Variants in PCTP observed in about 807,000 individuals in gnomAD.
PCTP encodes START domain-containing protein 2.
In PCTP, 27 loss-of-function variants were observed where a neutral mutation model predicts 31.0. That is an observed-to-expected ratio of 0.87 (90% CI 0.64 to 1.20). The LOEUF (loss-of-function observed/expected upper bound fraction) is 1.20. Ranked by LOEUF, PCTP falls within the 50% of genes most tolerant of loss-of-function variation. The pLI, the probability that PCTP is intolerant of heterozygous loss-of-function variation, is 0.00. For missense variants in PCTP, 287 were observed against 268.2 expected (o/e 1.07, Z -0.49); for synonymous variants, 108 against 101.2 (o/e 1.07, Z -0.40).
rs535279167 is a variant in PCTP, at chr17:55,773,743, G to A, written c.359G>A (p.Arg120Gln). 4.3e-5 allele frequency: 69 copies of A among 1,613,334 alleles called. No individual in the cohort carries two copies. In the East Asian group the frequency reaches 1.2e-3, roughly 29 times the overall value. The stretch of plus-strand genomic sequence containing the variant: ...ATGCAGTATGTCTACCTTCGGCAGC[G>A]GCGAGACCTGGACATGGAAGGGAGG... ...SNRDYVYLRQRRDLDMEGRKI... is the reference protein window; with the variant it reads ...SNRDYVYLRQQRDLDMEGRKI... Residue 120 changes from arginine (R) to glutamine (Q), a missense_variant, in exon 4 of 6, where the codon CGG becomes CAG. Physicochemically the swap from Arg to Gln is conservative, Grantham distance 43. Transcript: ENST00000268896.
chr17:55,797,454 A>G (rs554739913), intron 3 of PCTP, among the ~76,000 whole-genome samples: 74 of 152,120 alleles, frequency 4.9e-4, no homozygotes, highest in Admixed American at 1.6e-3. Flanking sequence ...AGAACCTGCC[A>G]AAGATAAATG....
At chr17:55,761,381 A>T (rs1432895145) in intron 1 of PCTP, among the ~76,000 whole-genome samples, 1 of 151,796 alleles carries the variant, frequency 6.6e-6, no homozygotes, top group East Asian at 1.9e-4. Context: ...ATCAAGGGAA[A>T]CAGAATCCAG....
intron 5 of PCTP, among the ~76,000 whole-genome samples, chr17:55,839,952 T>TAAAAAAAAAAAA (rs1905919099): frequency 1.7e-5 from 2 of 117,150 alleles, no homozygotes; most frequent in African/African-American, 3.3e-5. Context: ...AAAAAACAAC[T>TAAAAAAAAAAAA]GAAGCACGTT....
Position 55,755,139 on chromosome 17 carries a change from G to C in PCTP, c.141+3895G>C, listed in dbSNP as rs1414943547. ...CATCTATGGAAATGGATCTGAGATA[G>C]AGTTGCTCCCCTGAAGATTCTAGTG... is the stretch of plus-strand genomic sequence containing the variant. On this transcript the variant is annotated intron_variant, in intron 1 of 5. Coordinates refer to ENST00000268896, the MANE Select transcript of PCTP (RefSeq NM_021213.4). Among the ~76,000 whole-genome samples, 4 of 152,268 alleles carry C rather than the reference G, an allele frequency of 2.6e-5. No individual in the cohort carries two copies. The East Asian group carries it at 7.7e-4, about 29-fold the overall frequency.
At chr17:55,754,780 A>C (rs1909915632) in intron 1 of PCTP, among the ~76,000 whole-genome samples, 1 of 152,088 alleles carries the variant, frequency 6.6e-6, no homozygotes, top group South Asian at 2.1e-4. Flanking sequence ...CAACGTACAA[A>C]AGACTGTAAC....
chr17:55,805,488 G>A (rs1912545157), intron 3 of PCTP, among the ~76,000 whole-genome samples: 1 of 151,938 alleles, frequency 6.6e-6, no homozygotes, highest in Non-Finnish European at 1.5e-5. Context: ...AGTTCATGTA[G>A]GATAATGTCT....
intron 5 of PCTP, among the ~76,000 whole-genome samples, chr17:55,833,897 A>G (rs889202797): frequency 2.6e-5 from 4 of 152,212 alleles, no homozygotes; most frequent in African/African-American, 9.6e-5. Flanking sequence ...GAGCCTTCAA[A>G]TCCTTCACAT....
At chr17:55,782,253 T>G (rs1275271936), downstream of PCTP, among the ~76,000 whole-genome samples, 2 of 152,166 alleles carry the variant, frequency 1.3e-5, no homozygotes, top group Non-Finnish European at 2.9e-5. Flanking sequence ...AGCTACTCAA[T>G]TCAAACATTA....
chr17:55,825,586 T>C (rs1307429688), downstream of PCTP, among the ~76,000 whole-genome samples: 4 of 152,222 alleles, frequency 2.6e-5, no homozygotes, highest in African/African-American at 9.6e-5. Flanking sequence ...GATGGTACTA[T>C]GGTGAAAAGG....
intron 3 of PCTP, among the ~76,000 whole-genome samples, chr17:55,799,199 A>G (rs921852837): frequency 6.6e-6 from 1 of 152,032 alleles, no homozygotes; most frequent in Non-Finnish European, 1.5e-5. Context: ...TGTGTTAACT[A>G]TTCAAACAGA....
chr17:55,847,072 T>A (rs1017839318), downstream of PCTP, among the ~76,000 whole-genome samples: 13 of 152,196 alleles, frequency 8.5e-5, no homozygotes, highest in Non-Finnish European at 1.6e-4. Context: ...ATTGAATGAA[T>A]TCACTGAGAC....
chr17:55,841,236 A>C lies in PCTP; in HGVS notation n.506-1491A>C, dbSNP rs150444016. 2.2e-4 allele frequency among the ~76,000 whole-genome samples: 33 copies of C among 152,290 alleles called. No homozygotes were observed. The East Asian group carries it at 6.2e-3, about 28-fold the overall frequency. ...AGCTCTCAAAGTACTCTGATTATTG[A>C]AGCACTTGAGGCATTGGTACTAGAC... On this transcript the variant is annotated intron_variant and non_coding_transcript_variant, in intron 5 of 5. Coordinates refer to the PCTP transcript ENST00000576221.
At chr17:55,780,430 A>G (rs954530772), downstream of PCTP, among the ~76,000 whole-genome samples, 4 of 152,220 alleles carry the variant, frequency 2.6e-5, no homozygotes, top group Non-Finnish European at 5.9e-5. Flanking sequence ...CAGATCCTGT[A>G]GGACAATGAG....
At chr17:55,763,487 A>G (rs1018325852) in intron 1 of PCTP, among the ~76,000 whole-genome samples, 1 of 151,306 alleles carries the variant, frequency 6.6e-6, no homozygotes, top group Admixed American at 6.6e-5. Flanking sequence ...CTATACAAAC[A>G]TAAATATTCT....
intron 1 of PCTP, chr17:55,751,595 T>C (rs1909718440): frequency 1.0e-6 from 1 of 958,202 alleles, no homozygotes; most frequent in East Asian, 5.8e-5. Context: ...CCAATGCGTG[T>C]CAGTGGCATA....
intron 1 of PCTP, among the ~76,000 whole-genome samples, chr17:55,757,202 G>T (rs972290616): frequency 6.6e-6 from 1 of 150,438 alleles, no homozygotes; most frequent in Non-Finnish European, 1.5e-5. Flanking sequence ...ACACATGCTT[G>T]TGTGTGTATA....
intron 1 of PCTP, among the ~76,000 whole-genome samples, chr17:55,765,176 GA>G: frequency 6.6e-6 from 1 of 152,296 alleles, no homozygotes; most frequent in East Asian, 1.9e-4. Flanking sequence ...AGCAGTTGTT[GA>G]AAAATTCTGT....
At chr17:55,850,951 C>T in the PCTP span, among the ~76,000 whole-genome samples, 10 of 152,108 alleles carry the variant, frequency 6.6e-5, no homozygotes, top group African/African-American at 1.9e-4. Flanking sequence ...CTTTTTAATA[C>T]GAACCACTGT....
At chr17:55,851,266 T>C in the PCTP span, among the ~76,000 whole-genome samples, 1 of 152,218 alleles carries the variant, frequency 6.6e-6, no homozygotes, top group Non-Finnish European at 1.5e-5. Flanking sequence ...GAGAATCTTA[T>C]CAGTGCTATC....
Sources: allele counts gnomAD v4.1 joint callset (sites outside exome capture counted in the v4.1 genomes callset), GRCh38; gene constraint gnomAD v4.1.1; transcripts MANE v1.5; gene names NCBI Gene and HGNC (gene_info 2026-07-23, HGNC 2026-07-21).